RBFOX1: variants seen among roughly 807,000 people sequenced by gnomAD.
The protein encoded by RBFOX1 is RNA binding fox-1 homolog 1.
Under a neutral mutation model 57.7 loss-of-function variants are expected in RBFOX1, and 8 were observed. The observed-to-expected ratio is 0.14, with a 90% CI of 0.08 to 0.25. The LOEUF is 0.25. RBFOX1 is among the 10% of genes least tolerant of loss of function. The pLI, the probability that RBFOX1 is intolerant of heterozygous loss-of-function variation, is 1.00. For missense variants in RBFOX1, 611 were observed against 548.5 expected (o/e 1.11, Z -1.14); for synonymous variants, 326 against 222.4 (o/e 1.47, Z -4.15).
chr16:5,404,837 G>A (rs1478642746), intron 1 of RBFOX1, among the ~76,000 whole-genome samples: 2 of 152,132 alleles, frequency 1.3e-5, no homozygotes, highest in African/African-American at 4.8e-5. Context: ...GAGAGAGAGC[G>A]ACAAAGCCAT....
chr16:7,675,025 A>G lies in RBFOX1; in HGVS notation c.931-1749A>G, dbSNP rs144506450. Among the ~76,000 whole-genome samples, 1,480 of 152,208 alleles carry G rather than the reference A, an allele frequency of 9.7e-3. 29 individuals carry two copies. The highest frequency in any genetic ancestry group is 0.034 in the African/African-American group (1,426 of 41,528). ...CCAGAGAGAAACACATTCATACCAC[A>G]CACATTCTCTCCACTCAAAACTTTA... On this transcript the variant is annotated intron_variant, in intron 13 of 15. Coordinates refer to ENST00000550418, the MANE Select transcript of RBFOX1 (RefSeq NM_018723.4).
intron 4 of RBFOX1, among the ~76,000 whole-genome samples, chr16:7,193,737 C>A (rs7201270): frequency 0.59 from 90,275 of 152,038 alleles, 26,955 homozygotes; most frequent in Middle Eastern, 0.64. Context: ...CCATGCTCTG[C>A]ACCAGCAACC....
At chr16:7,279,961 C>A (rs528669605) in intron 4 of RBFOX1, among the ~76,000 whole-genome samples, 2 of 152,264 alleles carry the variant, frequency 1.3e-5, no homozygotes, top group Admixed American at 1.3e-4. Context: ...ATAGGGCAGC[C>A]AAGTTGGCCA....
intron 4 of RBFOX1, among the ~76,000 whole-genome samples, chr16:7,146,031 T>G (rs1030427366): frequency 1.3e-5 from 2 of 152,206 alleles, no homozygotes; most frequent in Non-Finnish European, 2.9e-5. Context: ...AAGAGTGCTG[T>G]GATTAAAACT....
At position 6,623,463 on chromosome 16, in the gene RBFOX1, C is replaced by CT. The variant is rs1436641908; in HGVS notation, c.-63-31137dup. On this transcript the variant is annotated intron_variant, in intron 2 of 15. Coordinates refer to ENST00000550418, the MANE Select transcript of RBFOX1 (RefSeq NM_018723.4). ...AAATTCTTTTTTTTTTTTTATTATA[C>CT]TTTAAGTTTTAGGGTACATGTGCAC... 3.4e-5 allele frequency among the ~76,000 whole-genome samples: 5 copies of CT among 148,640 alleles called. No individual in the cohort carries two copies. The South Asian group carries it at 1.1e-3, about 32-fold the overall frequency.
intron 3 of RBFOX1, among the ~76,000 whole-genome samples, chr16:6,902,671 G>C (rs1177933909): frequency 6.6e-6 from 1 of 152,152 alleles, no homozygotes; most frequent in African/African-American, 2.4e-5. Flanking sequence ...GTAGTGAGCT[G>C]AGATTGTGCC....
At chr16:6,185,114 C>T (rs552675174) in intron 1 of RBFOX1, among the ~76,000 whole-genome samples, 1 of 152,230 alleles carries the variant, frequency 6.6e-6, no homozygotes, top group Non-Finnish European at 1.5e-5. Context: ...GACTTTCCTT[C>T]TTATGGATGG....
At chr16:5,359,868 A>G (rs2065494703) in intron 1 of RBFOX1, among the ~76,000 whole-genome samples, 1 of 152,184 alleles carries the variant, frequency 6.6e-6, no homozygotes, top group Non-Finnish European at 1.5e-5. Flanking sequence ...CACTCATAAA[A>G]TGGGGATGCT....
chr16:5,944,749 T>A lies in RBFOX1; in HGVS notation c.351+77414T>A, dbSNP rs187089648. On this transcript the variant is annotated intron_variant, in intron 4 of 19. Transcript: ENST00000641259. ...GTGGGCAGATCACGAGGTCAAGAGA[T>A]AGAGACCATCCTGGCCAACTTGGTG... 3.1e-5 allele frequency among the ~76,000 whole-genome samples: 4 copies of A among 129,092 alleles called. No homozygotes were observed. The East Asian group carries it at 9.1e-4, about 30-fold the overall frequency. The allele number at this position is 129,092 out of a possible 152,430, so 84.7% of individuals were successfully genotyped here.
At chr16:5,615,337 T>A (rs193217224) in intron 3 of RBFOX1, among the ~76,000 whole-genome samples, 2 of 152,124 alleles carry the variant, frequency 1.3e-5, no homozygotes, top group African/African-American at 4.8e-5. Context: ...AGCAGCTGAG[T>A]TTTTTTGACA....
At chr16:6,868,420 A>C (rs1023906241) in intron 3 of RBFOX1, among the ~76,000 whole-genome samples, 2 of 152,164 alleles carry the variant, frequency 1.3e-5, no homozygotes, top group Non-Finnish European at 2.9e-5. Flanking sequence ...AAATTGGTAA[A>C]GTTGCCAGGG....
At chr16:5,559,704 C>G (rs565434005) in intron 2 of RBFOX1, among the ~76,000 whole-genome samples, 2 of 152,182 alleles carry the variant, frequency 1.3e-5, no homozygotes, top group Non-Finnish European at 2.9e-5. Flanking sequence ...CTTCCCAAAT[C>G]TCTTTCTTCC....
chr16:7,537,310 C>G (rs540981532), intron 5 of RBFOX1, among the ~76,000 whole-genome samples: 1 of 152,178 alleles, frequency 6.6e-6, no homozygotes, highest in Non-Finnish European at 1.5e-5. Context: ...ATACAGTATT[C>G]ACACCTGTGG....
intron 4 of RBFOX1, among the ~76,000 whole-genome samples, chr16:7,180,418 C>T (rs909906716): frequency 3.9e-4 from 60 of 152,222 alleles, no homozygotes; most frequent in African/African-American, 1.4e-3. Flanking sequence ...TCACTCTTGT[C>T]ATCAGATGCC....
intron 2 of RBFOX1, among the ~76,000 whole-genome samples, chr16:6,379,154 A>T (rs2091523223): frequency 6.6e-6 from 1 of 152,132 alleles, no homozygotes; most frequent in Admixed American, 6.5e-5. Context: ...GAGAAGAAAG[A>T]TGCTGTGCTC....
chr16:7,062,892 CATT>C (rs1210344542), intron 4 of RBFOX1, among the ~76,000 whole-genome samples: 1,279 of 59,956 alleles, frequency 0.021, 290 homozygotes, highest in African/African-American at 0.063. Flanking sequence ...AAATGATCGC[CATT>C]TTTTTTTTTT....
chr16:6,635,926 AC>A (rs2098427411), intron 2 of RBFOX1, among the ~76,000 whole-genome samples: 1 of 152,162 alleles, frequency 6.6e-6, no homozygotes, highest in Non-Finnish European at 1.5e-5. Context: ...ATTGACACAT[AC>A]ATAATGAGGT....
chr16:6,722,741 C>T (rs17141084), intron 3 of RBFOX1, among the ~76,000 whole-genome samples: 2 of 152,202 alleles, frequency 1.3e-5, no homozygotes, highest in South Asian at 2.1e-4. Flanking sequence ...AATTAAGGGC[C>T]CCGTTCATCA....
chr16:5,787,626 G>A (rs1373780123), intron 3 of RBFOX1, among the ~76,000 whole-genome samples: 1 of 152,212 alleles, frequency 6.6e-6, no homozygotes, highest in Non-Finnish European at 1.5e-5. Context: ...GAATGTGAAT[G>A]AGAGCTTTGT....
Sources: gnomAD v4.1 joint callset for allele counts (sites outside exome capture counted in the v4.1 genomes callset) on GRCh38, gnomAD v4.1.1 for gene constraint, MANE v1.5 for transcripts, NCBI Gene and HGNC (gene_info 2026-07-23, HGNC 2026-07-21) for gene names.